The following EEFSEC variants were observed in gnomAD, a reference collection of about 807,000 sequenced individuals.
EEFSEC encodes selenocysteine-specific elongation factor.
EEFSEC carries 43 observed loss-of-function variants against 42.1 expected under a neutral mutation model. That is an observed-to-expected ratio of 1.02 (90% CI 0.80 to 1.32). The LOEUF is 1.32. Among genes scored for constraint, EEFSEC ranks in the 40% most tolerant of loss-of-function variants. The pLI, the probability that EEFSEC is intolerant of heterozygous loss-of-function variation, is 0.00. For synonymous variants in EEFSEC, 354 were observed against 339.1 expected (o/e 1.04, Z -0.48); for missense variants, 745 against 803.6 (o/e 0.93, Z 0.88).
At chr3:128,411,749 C>T (rs768973441), downstream of EEFSEC, among the ~76,000 whole-genome samples, 7 of 152,232 alleles carry the variant, frequency 4.6e-5, no homozygotes, top group Non-Finnish European at 1.0e-4. Context: ...CTGATGGAAA[C>T]AGGCTTCTGG....
intron 4 of EEFSEC, among the ~76,000 whole-genome samples, chr3:128,271,495 C>T (rs577384794): frequency 4.6e-5 from 7 of 152,192 alleles, no homozygotes; most frequent in African/African-American, 1.2e-4. Flanking sequence ...TGGAAGCTTA[C>T]GGGATTCTGC....
chr3:128,350,372 G>A (rs367880948), intron 5 of EEFSEC, among the ~76,000 whole-genome samples: 1 of 152,218 alleles, frequency 6.6e-6, no homozygotes, highest in Admixed American at 6.5e-5. Flanking sequence ...AAGCCATGCT[G>A]TGGTCTAGCT....
chr3:128,300,950 A>G (rs1043830427), intron 4 of EEFSEC, among the ~76,000 whole-genome samples: 1 of 152,018 alleles, frequency 6.6e-6, no homozygotes, highest in African/African-American at 2.4e-5. Context: ...CATATGCCTA[A>G]ATTATTTTAT....
chr3:128,391,674 A>C (rs904460963), intron 6 of EEFSEC, among the ~76,000 whole-genome samples: 1 of 152,202 alleles, frequency 6.6e-6, no homozygotes, highest in African/African-American at 2.4e-5. Context: ...CGTTCCTATC[A>C]GGTGCTCTCT....
At chr3:128,412,836 G>A (rs1016672338), downstream of EEFSEC, among the ~76,000 whole-genome samples, 1 of 152,222 alleles carries the variant, frequency 6.6e-6, no homozygotes, top group Non-Finnish European at 1.5e-5. Flanking sequence ...CTCTACAGGG[G>A]CTCCATTCCC....
intron 1 of EEFSEC, among the ~76,000 whole-genome samples, chr3:128,155,161 C>A (rs1366735968): frequency 6.6e-6 from 1 of 152,114 alleles, no homozygotes; most frequent in African/African-American, 2.4e-5. Context: ...TGTTACCAGG[C>A]TGGAGTGCAG....
chr3:128,159,838 C>A (rs1459503742), intron 1 of EEFSEC, among the ~76,000 whole-genome samples: 1 of 152,204 alleles, frequency 6.6e-6, no homozygotes, highest in Non-Finnish European at 1.5e-5. Context: ...ACCCTCACCC[C>A]CTCATACTTT....
intron 1 of EEFSEC, among the ~76,000 whole-genome samples, chr3:128,181,029 C>T (rs1437244583): frequency 6.6e-6 from 1 of 152,152 alleles, no homozygotes; most frequent in Non-Finnish European, 1.5e-5. Context: ...GCCCTTTTGC[C>T]AGGGCCTCCT....
At chr3:128,259,605 T>G (rs2066277621) in intron 2 of EEFSEC, among the ~76,000 whole-genome samples, 1 of 152,238 alleles carries the variant, frequency 6.6e-6, no homozygotes, top group Non-Finnish European at 1.5e-5. Flanking sequence ...CAGAACATTT[T>G]CATTACCCCA....
intron 1 of EEFSEC, among the ~76,000 whole-genome samples, chr3:128,162,157 A>G (rs1320264786): frequency 3.3e-5 from 5 of 152,216 alleles, no homozygotes; most frequent in Non-Finnish European, 7.3e-5. Flanking sequence ...TTTAGTTCCT[A>G]GTATCCATCA....
chr3:128,282,254 C>T (rs1194873805), intron 4 of EEFSEC, among the ~76,000 whole-genome samples: 3 of 152,232 alleles, frequency 2.0e-5, no homozygotes, highest in African/African-American at 7.2e-5. Flanking sequence ...TGGCTGGTCT[C>T]TTCCAAGCCA....
intron 6 of EEFSEC, among the ~76,000 whole-genome samples, chr3:128,392,245 T>C (rs1490355162): frequency 6.6e-6 from 1 of 152,132 alleles, no homozygotes; most frequent in Non-Finnish European, 1.5e-5. Context: ...CAGCAGACAT[T>C]GCAGATGCAG....
intron 1 of EEFSEC, among the ~76,000 whole-genome samples, chr3:128,181,186 C>G (rs2065401769): frequency 1.3e-5 from 2 of 152,212 alleles, no homozygotes; most frequent in Non-Finnish European, 2.9e-5. Flanking sequence ...AGAGCTGCCA[C>G]AGTTTCCTAA....
chr3:128,211,345 C>T (rs1172925225), intron 1 of EEFSEC, among the ~76,000 whole-genome samples: 1 of 152,000 alleles, frequency 6.6e-6, no homozygotes, highest in Non-Finnish European at 1.5e-5. Context: ...CCTTGAACTC[C>T]TGGGTTCAAG....
At chr3:128,179,341 T>A (rs1559856645) in intron 1 of EEFSEC, among the ~76,000 whole-genome samples, 1 of 152,174 alleles carries the variant, frequency 6.6e-6, no homozygotes, top group Non-Finnish European at 1.5e-5. Flanking sequence ...GGAACACAGT[T>A]GCAAAAGAGA....
chr3:128,244,416 G>A (rs984856524), intron 1 of EEFSEC, among the ~76,000 whole-genome samples: 4 of 152,104 alleles, frequency 2.6e-5, no homozygotes, highest in Non-Finnish European at 5.9e-5. Flanking sequence ...CAAGGTGAGT[G>A]GGAAGCAACT....
At chr3:128,184,024 G>T (rs2065439288) in intron 1 of EEFSEC, among the ~76,000 whole-genome samples, 1 of 152,176 alleles carries the variant, frequency 6.6e-6, no homozygotes, top group African/African-American at 2.4e-5. Context: ...CCAGTGTTCA[G>T]TGTTCCAGAG....
chr3:128,179,838 G>A (rs539514551), intron 1 of EEFSEC, among the ~76,000 whole-genome samples: 1 of 152,222 alleles, frequency 6.6e-6, no homozygotes, highest in Admixed American at 6.5e-5. Flanking sequence ...CAATTAATAT[G>A]CAAGTACATT....
intron 2 of EEFSEC, among the ~76,000 whole-genome samples, chr3:128,253,727 G>T (rs149577808): frequency 6.6e-6 from 1 of 151,768 alleles, no homozygotes; most frequent in African/African-American, 2.4e-5. Flanking sequence ...GTCCTTCTGG[G>T]TATTGCCTTT....
Sources: allele counts gnomAD v4.1 joint callset (sites outside exome capture counted in the v4.1 genomes callset), GRCh38; gene constraint gnomAD v4.1.1; transcripts MANE v1.5; gene names NCBI Gene and HGNC (gene_info 2026-07-23, HGNC 2026-07-21).